UNC5D: variants seen among roughly 807,000 people sequenced by gnomAD.
UNC5D encodes netrin receptor UNC5D.
Under a neutral mutation model 105.4 loss-of-function variants are expected in UNC5D, and 39 were observed. The observed-to-expected ratio is 0.37, with a 90% confidence interval of 0.29 to 0.48. The LOEUF (loss-of-function observed/expected upper bound fraction) is 0.48, where lower values mean the gene tolerates loss of function less well. UNC5D is among the 20% of genes least tolerant of loss of function. UNC5D has a pLI of 0.98. For missense variants in UNC5D, 991 were observed against 1,202.4 expected, an observed-to-expected ratio of 0.82 and a Z score of 2.60; for synonymous variants, 452 against 450.4, an observed-to-expected ratio of 1.00 and a Z score of -0.04.
At chr8:35,707,792 T>TTTC (rs1316436066) in intron 8 of UNC5D, among the ~76,000 whole-genome samples, 1 of 152,206 alleles carries the variant, frequency 6.6e-6, no homozygotes, top group Non-Finnish European at 1.5e-5. Flanking sequence ...GCAGAAGCCA[T>TTTC]TTCCAGTCCT....
At chr8:35,366,636 C>T (rs1802139276) in intron 1 of UNC5D, among the ~76,000 whole-genome samples, 1 of 152,050 alleles carries the variant, frequency 6.6e-6, no homozygotes, top group African/African-American at 2.4e-5. Context: ...GCAGTGTTCA[C>T]CACCCACAAC....
intron 3 of UNC5D, among the ~76,000 whole-genome samples, chr8:35,573,794 C>A (rs1042092307): frequency 6.6e-6 from 1 of 152,190 alleles, no homozygotes; most frequent in Non-Finnish European, 1.5e-5. Context: ...TGCCTGTTAT[C>A]TTAAACTATT....
intron 4 of UNC5D, among the ~76,000 whole-genome samples, chr8:35,673,607 C>T (rs1041132449): frequency 2.6e-5 from 4 of 151,820 alleles, no homozygotes; most frequent in East Asian, 3.9e-4. Context: ...TTGGGGTTGC[C>T]GTGGGGATCA....
intron 3 of UNC5D, among the ~76,000 whole-genome samples, chr8:35,582,239 C>A (rs1216642349): frequency 1.3e-5 from 2 of 152,112 alleles, no homozygotes; most frequent in Non-Finnish European, 2.9e-5. Flanking sequence ...ACAGTGATTT[C>A]TTTCTCAGAT....
intron 1 of UNC5D, among the ~76,000 whole-genome samples, chr8:35,250,238 A>G (rs988774143): frequency 1.3e-5 from 2 of 152,164 alleles, no homozygotes; most frequent in African/African-American, 4.8e-5. Context: ...TCAGAATCTC[A>G]GTGGGAAGGA....
intron 1 of UNC5D, among the ~76,000 whole-genome samples, chr8:35,362,094 T>C (rs977789861): frequency 1.3e-5 from 2 of 152,162 alleles, no homozygotes; most frequent in Admixed American, 6.6e-5. Context: ...TCTAAGTTTC[T>C]TTTTAGGAAA....
At chr8:35,545,855 C>A (rs1004910876) in intron 1 of UNC5D, among the ~76,000 whole-genome samples, 1 of 151,708 alleles carries the variant, frequency 6.6e-6, no homozygotes, top group South Asian at 2.1e-4. Context: ...TACATTCCAC[C>A]CTTTTTCTCA....
intron 1 of UNC5D, among the ~76,000 whole-genome samples, chr8:35,457,118 T>G (rs899254670): frequency 6.6e-6 from 1 of 152,216 alleles, no homozygotes; most frequent in African/African-American, 2.4e-5. Flanking sequence ...TAGGGTTGAT[T>G]TGAAAATGAA....
At chr8:35,548,552 C>T (rs1448901204) in intron 1 of UNC5D, among the ~76,000 whole-genome samples, 1 of 152,150 alleles carries the variant, frequency 6.6e-6, no homozygotes, top group Non-Finnish European at 1.5e-5. Context: ...ATTGCTTCCT[C>T]CATTTCCTAA....
intron 1 of UNC5D, among the ~76,000 whole-genome samples, chr8:35,457,736 A>G (rs966735063): frequency 6.6e-6 from 1 of 152,140 alleles, no homozygotes; most frequent in African/African-American, 2.4e-5. Context: ...TTTCCAAGAC[A>G]CTTATTTACT....
chr8:35,477,650 T>C (rs562815962), intron 1 of UNC5D, among the ~76,000 whole-genome samples: 3 of 152,246 alleles, frequency 2.0e-5, no homozygotes, highest in African/African-American at 7.2e-5. Context: ...AAAAAATGTT[T>C]ACAAAAATCA....
intron 1 of UNC5D, among the ~76,000 whole-genome samples, chr8:35,425,125 T>G (rs1264592149): frequency 6.6e-6 from 1 of 152,228 alleles, no homozygotes; most frequent in African/African-American, 2.4e-5. Flanking sequence ...ACATGGCACA[T>G]GTATACATAT....
chr8:35,567,092 A>G (rs1297215078), intron 2 of UNC5D, among the ~76,000 whole-genome samples: 1 of 151,598 alleles, frequency 6.6e-6, no homozygotes. Context: ...AAAAAAAACC[A>G]TTAAAAGGTT....
At chr8:35,770,671 A>T (rs1445083087) in intron 15 of UNC5D, among the ~76,000 whole-genome samples, 1 of 152,244 alleles carries the variant, frequency 6.6e-6, no homozygotes, top group Admixed American at 6.5e-5. Context: ...AGAAAGGAAG[A>T]ATTCCCAAGT....
Position 35,774,468 on chromosome 8 carries a change from G to C in UNC5D, c.2648G>C (p.Ser883Thr), listed in dbSNP as rs1802148146. 1.2e-6 allele frequency: 2 copies of C among 1,613,998 alleles called. No homozygotes were observed. The highest frequency in any genetic ancestry group is 1.7e-6 in the Non-Finnish European group (2 of 1,179,954). ...KDWQMLAQKN[S>T]INRNLSYFAT... Reference sequence around the variant, plus strand: ...TGGCAGATGTTAGCACAGAAAAACAGCATCAACAGGTAATTGGGGACAGCT... The same window carrying C: ...TGGCAGATGTTAGCACAGAAAAACACCATCAACAGGTAATTGGGGACAGCT... The change falls in exon 16 of 17, where the codon AGC becomes ACC. Residue 883 changes from serine (S) to threonine (T), a missense_variant. Transcript: ENST00000404895.
intron 1 of UNC5D, among the ~76,000 whole-genome samples, chr8:35,465,909 TGGA>T (rs947537403): frequency 6.6e-6 from 1 of 152,024 alleles, no homozygotes; most frequent in African/African-American, 2.4e-5. Flanking sequence ...ATTTTGAAGG[TGGA>T]GGAAGGGACC....
chr8:35,672,840 A>T (rs575834540), intron 4 of UNC5D, among the ~76,000 whole-genome samples: 30 of 151,760 alleles, frequency 2.0e-4, no homozygotes, highest in Middle Eastern at 3.4e-3. Context: ...AATGAATTTT[A>T]AAAAAAAATA....
chr8:35,427,839 CA>C (rs1398107297), intron 1 of UNC5D, among the ~76,000 whole-genome samples: 1 of 152,160 alleles, frequency 6.6e-6, no homozygotes, highest in Admixed American at 6.5e-5. Context: ...TTATAAATTA[CA>C]AGCTTCTGGG....
intron 11 of UNC5D, among the ~76,000 whole-genome samples, chr8:35,746,666 A>C (rs556186598): frequency 6.6e-6 from 1 of 152,314 alleles, no homozygotes; most frequent in East Asian, 1.9e-4. Context: ...TCATCTAATT[A>C]GCTGATTTCA....
Sources: gnomAD v4.1 joint callset for allele counts (sites outside exome capture counted in the v4.1 genomes callset) on GRCh38, gnomAD v4.1.1 for gene constraint, MANE v1.5 for transcripts, NCBI Gene and HGNC (gene_info 2026-07-23, HGNC 2026-07-21) for gene names.